The following DAB2IP variants were observed in gnomAD, a reference collection of about 807,000 sequenced individuals.
DAB2IP encodes the protein disabled homolog 2-interacting protein.
A neutral mutation model predicts 107.2 loss-of-function variants in DAB2IP; 28 were observed. The ratio of observed to expected loss-of-function variants is 0.26; its 90% confidence interval spans 0.19 to 0.36. The LOEUF (loss-of-function observed/expected upper bound fraction) is 0.36. Ranked by LOEUF, DAB2IP falls within the 10% of genes least tolerant of loss-of-function variation. The pLI is 1.00. For missense variants in DAB2IP, 1,400 were observed against 1,644.7 expected, an observed-to-expected ratio of 0.85 and a Z score of 2.57; for synonymous variants, 755 against 706.4, an observed-to-expected ratio of 1.07 and a Z score of -1.09.
chr9:121,731,832 G>A (rs1831559397), intron 3 of DAB2IP, among the ~76,000 whole-genome samples: 1 of 152,222 alleles, frequency 6.6e-6, no homozygotes, highest in African/African-American at 2.4e-5. Flanking sequence ...TGATCTCAGG[G>A]TTGGGGAGTG....
At chr9:121,672,636 C>T (rs1833729076) in intron 1 of DAB2IP, among the ~76,000 whole-genome samples, 1 of 152,166 alleles carries the variant, frequency 6.6e-6, no homozygotes, top group Non-Finnish European at 1.5e-5. Context: ...TCAGCTGGTC[C>T]CATGGCCTAA....
chr9:121,640,270 G>A (rs2119032534), intron 1 of DAB2IP, among the ~76,000 whole-genome samples: 1 of 152,274 alleles, frequency 6.6e-6, no homozygotes, highest in East Asian at 1.9e-4. Context: ...GGGCTGGGTA[G>A]TGCGGATCTA....
intron 1 of DAB2IP, among the ~76,000 whole-genome samples, chr9:121,629,438 C>T (rs1831790067): frequency 6.6e-6 from 1 of 152,164 alleles, no homozygotes. Flanking sequence ...CCCTTTCTTC[C>T]TGGGTAATTA....
At chr9:121,666,903 CACACACACACACAA>C (rs1352300125) in intron 1 of DAB2IP, among the ~76,000 whole-genome samples, 54 of 127,760 alleles carry the variant, frequency 4.2e-4, no homozygotes, top group Non-Finnish European at 7.3e-4. Flanking sequence ...CACACACACA[CACACACACACACAA>C]CACTCTTAAA....
chr9:121,593,948 G>A (rs1252844257), intron 1 of DAB2IP, among the ~76,000 whole-genome samples: 4 of 151,594 alleles, frequency 2.6e-5, no homozygotes, highest in Non-Finnish European at 4.4e-5. Flanking sequence ...GTTTACAGAC[G>A]TGAGCCACCA....
chr9:121,728,324 A>G (rs1451078763), intron 3 of DAB2IP, among the ~76,000 whole-genome samples: 1 of 152,158 alleles, frequency 6.6e-6, no homozygotes, highest in African/African-American at 2.4e-5. Flanking sequence ...TGGGCTCATC[A>G]GTTAGAGAGG....
At chr9:121,778,873 A>G (rs1835397577) in intron 14 of DAB2IP, among the ~76,000 whole-genome samples, 1 of 15,894 alleles carries the variant, frequency 6.3e-5, no homozygotes, top group East Asian at 1.9e-3. Flanking sequence ...TATTTATAAG[A>G]TACTTTTTTT....
chr9:121,724,570 T>C, intron 3 of DAB2IP, among the ~76,000 whole-genome samples: 1 of 152,230 alleles, frequency 6.6e-6, no homozygotes, highest in Non-Finnish European at 1.5e-5. Context: ...GTAGAACATT[T>C]ATGTCTTGTA....
rs967897954 is a variant in DAB2IP, at chr9:121,781,554, G to T, written c.3402+3G>T. The T allele has an allele frequency of 3.1e-6, 5 of 1,613,598 alleles. No homozygotes were observed. Among genetic ancestry groups the T allele is most frequent in the Admixed American group, 1.7e-5 (1 of 60,014 alleles). On this transcript the variant is annotated splice_donor_region_variant and intron_variant, in intron 15 of 15. Coordinates refer to ENST00000408936, the Ensembl canonical transcript of DAB2IP. ...AACAGAAGATCATTGATGCCCAGGT[G>T]GGGGCTCCGGCCCTTTGGTCAGCCA...
At chr9:121,780,166 G>A (rs780759112) in intron 14 of DAB2IP, among the ~76,000 whole-genome samples, 1 of 152,210 alleles carries the variant, frequency 6.6e-6, no homozygotes, top group East Asian at 1.9e-4. Context: ...GATTATAGGC[G>A]TGAGCCAATG....
At chr9:121,639,044 G>A (rs981085809) in intron 1 of DAB2IP, among the ~76,000 whole-genome samples, 1 of 152,202 alleles carries the variant, frequency 6.6e-6, no homozygotes, top group East Asian at 1.9e-4. Flanking sequence ...CATATCCACT[G>A]ACCACTATCC....
intron 3 of DAB2IP, among the ~76,000 whole-genome samples, chr9:121,732,952 C>T (rs928895153): frequency 6.6e-6 from 1 of 152,198 alleles, no homozygotes; most frequent in Non-Finnish European, 1.5e-5. Flanking sequence ...TAAAGCCACA[C>T]AAGTATAGAT....
At chr9:121,773,333 G>A (rs780370383) in exon 12 of DAB2IP, 37 of 1,473,860 alleles carry the variant, frequency 2.5e-5, no homozygotes, top group South Asian at 5.0e-5. Context: ...GCGGCCGGAC[G>A]CCCCCCAACC....
intron 1 of DAB2IP, among the ~76,000 whole-genome samples, chr9:121,612,750 G>A (rs1466975696): frequency 6.6e-6 from 1 of 152,206 alleles, no homozygotes; most frequent in African/African-American, 2.4e-5. Flanking sequence ...TTTGTGTGTT[G>A]TGTGTACGTG....
At chr9:121,623,957 C>A (rs746279493) in intron 1 of DAB2IP, among the ~76,000 whole-genome samples, 1 of 152,214 alleles carries the variant, frequency 6.6e-6, no homozygotes, top group Non-Finnish European at 1.5e-5. Context: ...CTTCCTTTGC[C>A]TCCATGTTTG....
chr9:121,623,764 TG>T (rs1323552392), intron 1 of DAB2IP, among the ~76,000 whole-genome samples: 1 of 152,054 alleles, frequency 6.6e-6, no homozygotes, highest in Admixed American at 6.6e-5. Context: ...CTCAGCTCAT[TG>T]CCACCTCCGC....
intron 1 of DAB2IP, among the ~76,000 whole-genome samples, chr9:121,644,285 GAAGGAAAGAAAGAAAAGA>G (rs1036606824): frequency 6.6e-6 from 1 of 151,816 alleles, no homozygotes; most frequent in African/African-American, 2.4e-5. Flanking sequence ...GAAAGAGAAA[GAAGGAAAGAAAGAAAAGA>G]AAGGAAAGAA....
chr9:121,568,814 T>C (rs1230156725), intron 1 of DAB2IP, among the ~76,000 whole-genome samples: 3 of 152,112 alleles, frequency 2.0e-5, no homozygotes, highest in African/African-American at 7.2e-5. Flanking sequence ...GAACCCACAG[T>C]CCCCACTTGC....
rs1830635212 is a variant in DAB2IP at position 121,599,911 on chromosome 9, T to C, written c.40+32683T>C. On this transcript the variant is annotated intron_variant, in intron 1 of 16. Transcript: ENST00000259371. The surrounding 1 kb of genome is among the most constrained non-coding windows in gnomAD (Gnocchi z 6.9). Reference sequence around the variant, plus strand: ...TGAGGAATGGGCGGCGACTTTGCTTTATTTACCCCGCTTTTCCCCTACAGT... The same window carrying C: ...TGAGGAATGGGCGGCGACTTTGCTTCATTTACCCCGCTTTTCCCCTACAGT... 6.6e-6 allele frequency among the ~76,000 whole-genome samples: 1 copy of C among 151,922 alleles called. No individual in the cohort carries two copies. The highest frequency in any genetic ancestry group is 2.4e-5 in the African/African-American group (1 of 41,360).
Sources: allele counts gnomAD v4.1 joint callset (sites outside exome capture counted in the v4.1 genomes callset), GRCh38; gene constraint gnomAD v4.1.1; non-coding constraint Gnocchi (gnomAD v3.1); transcripts MANE v1.5; gene names NCBI Gene and HGNC (gene_info 2026-07-23, HGNC 2026-07-21).